The following DDAH1 variants were observed in gnomAD, a reference collection of about 807,000 sequenced individuals.
DDAH1 encodes dimethylarginine dimethylaminohydrolase 1.
A neutral mutation model predicts 28.8 loss-of-function variants in DDAH1; 19 were observed. The observed-to-expected ratio is 0.66, with a 90% CI of 0.46 to 0.97. The LOEUF is 0.97. Among genes scored for constraint, DDAH1 ranks in the 50% least tolerant of loss-of-function variants. The pLI, the probability that DDAH1 is intolerant of heterozygous loss-of-function variation, is 0.00. For synonymous variants in DDAH1, 153 were observed against 154.4 expected (o/e 0.99, Z 0.07); for missense variants, 326 against 375.9 (o/e 0.87, Z 1.10).
intron 5 of DDAH1, among the ~76,000 whole-genome samples, chr1:85,323,290 T>TA (rs1661428822): frequency 6.6e-6 from 1 of 151,892 alleles, no homozygotes; most frequent in Non-Finnish European, 1.5e-5. Flanking sequence ...ATGCATAGTA[T>TA]AAATATCTTG....
intron 1 of DDAH1, among the ~76,000 whole-genome samples, chr1:85,407,847 G>T: frequency 6.6e-6 from 1 of 152,064 alleles, no homozygotes; most frequent in African/African-American, 2.4e-5. Flanking sequence ...GGACATCCTA[G>T]CTTATATTTA....
chr1:85,378,818 G>A (rs1650818175), intron 1 of DDAH1, among the ~76,000 whole-genome samples: 1 of 152,192 alleles, frequency 6.6e-6, no homozygotes, highest in African/African-American at 2.4e-5. Context: ...CACTAAGCAA[G>A]TATAACAGGA....
At chr1:85,332,677 C>G (rs1647848379) in intron 4 of DDAH1, among the ~76,000 whole-genome samples, 1 of 152,178 alleles carries the variant, frequency 6.6e-6, no homozygotes, top group Admixed American at 6.5e-5. Flanking sequence ...TTGGTTGACC[C>G]AGGTGCATAT....
At chr1:85,501,280 C>A (rs1656809115) in intron 1 of DDAH1, among the ~76,000 whole-genome samples, 1 of 152,162 alleles carries the variant, frequency 6.6e-6, no homozygotes, top group Non-Finnish European at 1.5e-5. Context: ...GAGTCCAGGG[C>A]TAGAGTAGCC....
intron 1 of DDAH1, among the ~76,000 whole-genome samples, chr1:85,454,559 T>A (rs1264279549): frequency 6.6e-6 from 1 of 152,222 alleles, no homozygotes. Flanking sequence ...TTTTTCACAT[T>A]TATTTTTTAC....
chr1:85,358,722 G>A, intron 2 of DDAH1, 26 bp downstream of exon 2: 2 of 1,440,506 alleles, frequency 1.4e-6, no homozygotes, highest in South Asian at 2.5e-5. Flanking sequence ...AATATTCTTG[G>A]ATAGAAAAAA....
intron 1 of DDAH1, among the ~76,000 whole-genome samples, chr1:85,376,989 A>G (rs558747020): frequency 2.0e-5 from 3 of 152,218 alleles, no homozygotes; most frequent in Non-Finnish European, 4.4e-5. Context: ...AATGTATGTC[A>G]AAGCTACATG....
intron 1 of DDAH1, among the ~76,000 whole-genome samples, chr1:85,383,181 T>C (rs530299837): frequency 6.6e-6 from 1 of 152,334 alleles, no homozygotes; most frequent in East Asian, 1.9e-4. Flanking sequence ...TTGGAAAGGA[T>C]TAATCATTCT....
chr1:85,546,889 A>T (rs1658643839), intron 1 of DDAH1, among the ~76,000 whole-genome samples: 1 of 152,178 alleles, frequency 6.6e-6, no homozygotes, highest in Non-Finnish European at 1.5e-5. Flanking sequence ...TGTTCAGCTG[A>T]TCTCTATAAT....
chr1:85,439,097 G>T (rs1201984034), intron 1 of DDAH1, among the ~76,000 whole-genome samples: 1 of 152,180 alleles, frequency 6.6e-6, no homozygotes, highest in Non-Finnish European at 1.5e-5. Context: ...TGATAAAAAT[G>T]CTTAATTAAT....
intron 1 of DDAH1, chr1:85,380,667 C>T (rs1650937192): frequency 6.6e-6 from 1 of 152,084 alleles, no homozygotes; most frequent in South Asian, 2.1e-4. Flanking sequence ...GTTCTGAAAA[C>T]CAAGGGTATT....
At chr1:85,366,227 C>T (rs900258556) in intron 1 of DDAH1, among the ~76,000 whole-genome samples, 6 of 151,924 alleles carry the variant, frequency 3.9e-5, no homozygotes, top group African/African-American at 7.3e-5. Flanking sequence ...AAATATTAAC[C>T]CTGTGATTAT....
At chr1:85,438,357 C>A (rs946528705) in intron 1 of DDAH1, among the ~76,000 whole-genome samples, 2 of 152,178 alleles carry the variant, frequency 1.3e-5, no homozygotes, top group Non-Finnish European at 2.9e-5. Context: ...TTTAGGGCTC[C>A]TTAAAATGGC....
At chr1:85,489,125 A>G (rs948444752) in intron 2 of DDAH1, among the ~76,000 whole-genome samples, 4 of 152,260 alleles carry the variant, frequency 2.6e-5, no homozygotes, top group African/African-American at 9.6e-5. Flanking sequence ...AAATGTTAGC[A>G]CAGAAGATTT....
At chr1:85,439,776 T>C (rs1186277872) in intron 1 of DDAH1, among the ~76,000 whole-genome samples, 1 of 152,202 alleles carries the variant, frequency 6.6e-6, no homozygotes, top group African/African-American at 2.4e-5. Context: ...ACCTAGCATC[T>C]TGTAAGAATA....
At chr1:85,481,735 A>C (rs1357641445) in intron 2 of DDAH1, among the ~76,000 whole-genome samples, 1 of 152,228 alleles carries the variant, frequency 6.6e-6, no homozygotes, top group Non-Finnish European at 1.5e-5. Flanking sequence ...GTGAAATCCC[A>C]ACAAGAGGAG....
chr1:85,366,085 G>T (rs1486704912), intron 1 of DDAH1, among the ~76,000 whole-genome samples: 1 of 150,806 alleles, frequency 6.6e-6, no homozygotes, highest in East Asian at 1.9e-4. Flanking sequence ...GCAATTCTCG[G>T]CTGATAGCTG....
At position 85,457,715 on chromosome 1, in the gene DDAH1, G is replaced by C. The variant is rs1036601351; in HGVS notation, c.303+7028C>G. On this transcript the variant is annotated intron_variant, in intron 1 of 5. Transcript: ENST00000284031. The stretch of plus-strand genomic sequence containing the variant: ...ATCAAGGCAAAAGGATGAAGACGGA[G>C]TTTCGCTCTTGTTGCCCAGGCCGGA... 7.9e-5 allele frequency among the ~76,000 whole-genome samples: 12 copies of C among 152,344 alleles called. No individual in the cohort carries two copies. In the East Asian group the frequency reaches 2.3e-3, roughly 29 times the overall value.
At chr1:85,466,829 A>ATTTTTTTTTTT (rs1158919618), upstream of DDAH1, among the ~76,000 whole-genome samples, 4 of 46,560 alleles carry the variant, frequency 8.6e-5, no homozygotes, top group South Asian at 6.3e-4. Context: ...TTCATTATTT[A>ATTTTTTTTTTT]TTCTTTTTTT....
Sources: gnomAD v4.1 joint callset for allele counts (sites outside exome capture counted in the v4.1 genomes callset) on GRCh38, gnomAD v4.1.1 for gene constraint, MANE v1.5 for transcripts, NCBI Gene and HGNC (gene_info 2026-07-23, HGNC 2026-07-21) for gene names.